CD163L1: variants seen among roughly 807,000 people sequenced by gnomAD.
The protein encoded by CD163L1 is scavenger receptor cysteine-rich type 1 protein M160.
CD163L1 carries 124 observed loss-of-function variants against 165.4 expected under a neutral mutation model. The ratio of observed to expected loss-of-function variants is 0.75; its 90% CI spans 0.65 to 0.87. CD163L1 has a LOEUF of 0.87. Among genes scored for constraint, CD163L1 ranks in the 40% least tolerant of loss-of-function variants. CD163L1 has a pLI of 0.00. For synonymous variants in CD163L1, 585 were observed against 662.2 expected, an observed-to-expected ratio of 0.88 and a Z score of 1.79; for missense variants, 1,525 against 1,799.9, an observed-to-expected ratio of 0.85 and a Z score of 2.76.
intron 4 of CD163L1, among the ~76,000 whole-genome samples, chr12:7,348,813 G>GTT (rs11459242): frequency 0.013 from 1,891 of 142,874 alleles, 29 homozygotes; most frequent in African/African-American, 0.03. Flanking sequence ...TCCTTGTTAT[G>GTT]TTTTTTTTTT....
At chr12:7,354,316 A>G (rs1946734521), downstream of CD163L1, among the ~76,000 whole-genome samples, 1 of 152,076 alleles carries the variant, frequency 6.6e-6, no homozygotes, top group South Asian at 2.1e-4. Context: ...TATAATTCCT[A>G]TAGGAACAAC....
chr12:7,319,208 A>G, the CD163L1 span, among the ~76,000 whole-genome samples: 1 of 152,162 alleles, frequency 6.6e-6, no homozygotes, highest in African/African-American at 2.4e-5. Flanking sequence ...GATCCCTCAC[A>G]TGCACAGTTC....
intron 18 of CD163L1, among the ~76,000 whole-genome samples, chr12:7,362,210 CAT>C (rs956966991): frequency 3.8e-5 from 5 of 131,174 alleles, no homozygotes; most frequent in African/African-American, 1.5e-4. Context: ...TATAATATAT[CAT>C]ATGTATTATT....
At chr12:7,393,909 C>G (rs111511062) in intron 8 of CD163L1, among the ~76,000 whole-genome samples, 1 of 151,832 alleles carries the variant, frequency 6.6e-6, no homozygotes, top group African/African-American at 2.4e-5. Flanking sequence ...CACTGCTCAA[C>G]GAAATAAAAG....
chr12:7,415,253 G>T (rs949573702), intron 4 of CD163L1, among the ~76,000 whole-genome samples: 1 of 151,938 alleles, frequency 6.6e-6, no homozygotes, highest in Admixed American at 6.6e-5. Flanking sequence ...CTTAAAAATA[G>T]TTATAACTCT....
chr12:7,432,348 T>G lies in CD163L1; in HGVS notation c.766+68A>C. On this transcript the variant is annotated intron_variant, in intron 4 of 19. Coordinates refer to ENST00000313599, the MANE Select transcript of CD163L1 (RefSeq NM_174941.6). The surrounding 1 kb of genome is among the most constrained non-coding windows in gnomAD (Gnocchi z 4.2). ...TCTTCTCCAGAGAATGATTGACCTT[T>G]TTCTTTCCATACATACTGTTTCTAA... 1 of 1,228,152 alleles carries G rather than the reference T, an allele frequency of 8.1e-7. No individual in the cohort carries two copies. Among genetic ancestry groups the G allele is most frequent in the Non-Finnish European group, 1.1e-6 (1 of 872,130 alleles). The allele number at this position is 1,228,152 out of a possible 1,614,324, so 76.1% of individuals were successfully genotyped here.
At chr12:7,435,030 G>T (rs1355505098) in intron 2 of CD163L1, among the ~76,000 whole-genome samples, 1 of 151,984 alleles carries the variant, frequency 6.6e-6, no homozygotes, top group Non-Finnish European at 1.5e-5. Context: ...GCATTCTAAT[G>T]GCTGTGCTCA....
chr12:7,329,175 T>C, the CD163L1 span, among the ~76,000 whole-genome samples: 1 of 148,702 alleles, frequency 6.7e-6, no homozygotes, highest in Admixed American at 6.8e-5. Flanking sequence ...AGTGTATATG[T>C]ATATATATAC....
Position 7,403,838 on chromosome 12 carries a change from G to C in CD163L1, c.1105C>G (p.Leu369Val). The C allele has an allele frequency of 6.2e-7, 1 of 1,613,308 alleles. No individual in the cohort carries two copies. The highest frequency in any genetic ancestry group is 1.3e-5 in the African/African-American group (1 of 74,928). Residue 369 changes from leucine to valine, a missense_variant, in exon 6 of 20, where the codon CTG becomes GTG. Transcript: ENST00000313599. ...VICSDGADLE[L>V]RLADGSNNCS... ...TTGTTACTTCCATCTGCTAGTCGCA[G>C]TTCCAAATCTGCTCCATCTAGGATG...
chr12:7,397,200 G>C (rs1193831291), intron 7 of CD163L1, among the ~76,000 whole-genome samples: 1 of 152,080 alleles, frequency 6.6e-6, no homozygotes, highest in Non-Finnish European at 1.5e-5. Context: ...TGATAACCTA[G>C]GACATTTTTG....
downstream of CD163L1, among the ~76,000 whole-genome samples, chr12:7,351,752 GC>G (rs1198352670): frequency 2.6e-5 from 4 of 152,130 alleles, no homozygotes; most frequent in Non-Finnish European, 5.9e-5. Context: ...TTGGAAAGGT[GC>G]CTGATTCTAG....
At chr12:7,337,695 A>C in the CD163L1 span, among the ~76,000 whole-genome samples, 9,300 of 152,302 alleles carry the variant, frequency 0.061, 376 homozygotes, top group East Asian at 0.16. Flanking sequence ...GTGGAGAAAT[A>C]GGAACGCTTT....
chr12:7,348,621 C>T (rs898758821), intron 4 of CD163L1, among the ~76,000 whole-genome samples: 2 of 151,952 alleles, frequency 1.3e-5, no homozygotes, highest in African/African-American at 4.8e-5. Flanking sequence ...TCAGTTTTTA[C>T]TTTATTAACT....
rs1410820449 is a variant in CD163L1 at position 7,374,477 on chromosome 12, C to T, written c.3374G>A (p.Cys1125Tyr). The change falls in exon 13 of 20, where the codon TGC becomes TAC. Residue 1125 changes from cysteine to tyrosine, a missense_variant. By Grantham distance (194) the Cys-to-Tyr change is radical. Transcript: ENST00000313599. This position sits in a 1 kb window ranked among gnomAD's most constrained non-coding sequence, Gnocchi z 5.4. ...GACCCCTGCGTCCTCCTTGTGCCTG[C>T]AGTCGTGCTGCCCCCAGCCGCGGGA... ...CPSRGWGQHD[C>Y]RHKEDAGVIC... 2 of 1,613,754 alleles carry T rather than the reference C, an allele frequency of 1.2e-6. No individual in the cohort carries two copies. The highest frequency in any genetic ancestry group is 1.3e-5 in the African/African-American group (1 of 74,944).
chr12:7,398,168 A>T lies in CD163L1; in HGVS notation c.1729+96T>A, dbSNP rs745317512. On this transcript the variant is annotated intron_variant, in intron 7 of 19. Coordinates refer to ENST00000313599, the MANE Select transcript of CD163L1 (RefSeq NM_174941.6). This position sits in a 1 kb window ranked among gnomAD's most constrained non-coding sequence, Gnocchi z 4.5. ...GACAAGAGTCATGGCCCCTCAATCA[A>T]TTCCCACATGTAAGCCAGTTTATAG... 4.3e-5 allele frequency: 47 copies of T among 1,090,680 alleles called. No homozygotes were observed. The African/African-American group carries it at 7.0e-4, about 16-fold the overall frequency. 67.6% of individuals were successfully genotyped at this position (1,090,680 alleles called of 1,614,324 possible).
At chr12:7,324,176 T>C in the CD163L1 span, 1 of 1,417,318 alleles carries the variant, frequency 7.1e-7, no homozygotes, top group African/African-American at 1.5e-5. Context: ...AAATTTCCTA[T>C]ATAAGTAGGA....
chr12:7,408,490 T>C (rs1452971483), intron 4 of CD163L1, among the ~76,000 whole-genome samples: 1 of 152,156 alleles, frequency 6.6e-6, no homozygotes, highest in African/African-American at 2.4e-5. Context: ...TACATATCAG[T>C]TGTATGTATT....
chr12:7,361,111 G>A (rs1274819300), intron 18 of CD163L1, among the ~76,000 whole-genome samples: 1 of 152,034 alleles, frequency 6.6e-6, no homozygotes, highest in Admixed American at 6.6e-5. Flanking sequence ...TATGCTTTTT[G>A]TATGTACCAA....
the CD163L1 span, among the ~76,000 whole-genome samples, chr12:7,331,684 G>C: frequency 6.6e-6 from 1 of 152,222 alleles, no homozygotes; most frequent in Non-Finnish European, 1.5e-5. Flanking sequence ...GTCTGGAATG[G>C]ACCTCCAGCA....
Sources: allele counts gnomAD v4.1 joint callset (sites outside exome capture counted in the v4.1 genomes callset), GRCh38; gene constraint gnomAD v4.1.1; non-coding constraint Gnocchi (gnomAD v3.1); transcripts MANE v1.5; gene names NCBI Gene and HGNC (gene_info 2026-07-23, HGNC 2026-07-21).